Variants in BMP6 observed in about 807,000 individuals in gnomAD.
BMP6 encodes bone morphogenetic protein 6.
Under a neutral mutation model 54.1 loss-of-function variants are expected in BMP6, and 17 were observed. The ratio of observed to expected loss-of-function variants is 0.31; its 90% CI spans 0.22 to 0.47. The LOEUF (loss-of-function observed/expected upper bound fraction) is 0.47. Ranked by LOEUF, BMP6 falls within the 20% of genes least tolerant of loss-of-function variation. The pLI, the probability that BMP6 is intolerant of heterozygous loss-of-function variation, is 1.00. For synonymous variants in BMP6, 328 were observed against 291.2 expected (o/e 1.13, Z -1.28); for missense variants, 720 against 690.4 (o/e 1.04, Z -0.48).
chr6:7,845,086 G>T, intron 1 of BMP6, 54 bp from the exon 2 acceptor site: 1 of 1,500,660 alleles, frequency 6.7e-7, no homozygotes, highest in Non-Finnish European at 9.1e-7. Flanking sequence ...AGGTAAGCCC[G>T]TGGCACTTAG....
intron 4 of BMP6, among the ~76,000 whole-genome samples, chr6:7,876,553 ATATT>A (rs1350534169): frequency 6.6e-6 from 1 of 152,212 alleles, no homozygotes; most frequent in Non-Finnish European, 1.5e-5. Context: ...ATTCTGTGCT[ATATT>A]TGAAGAGATT....
chr6:7,744,884 C>A (rs1237088513), intron 1 of BMP6, among the ~76,000 whole-genome samples: 1 of 152,218 alleles, frequency 6.6e-6, no homozygotes, highest in African/African-American at 2.4e-5. Flanking sequence ...GCAGACCAGG[C>A]CCTCCCTTTA....
intron 4 of BMP6, among the ~76,000 whole-genome samples, chr6:7,873,852 G>A (rs1279892708): frequency 2.0e-5 from 3 of 152,032 alleles, no homozygotes; most frequent in Admixed American, 6.6e-5. Flanking sequence ...GTTGTTTGTA[G>A]AAATCTTTGC....
chr6:7,728,352 A>C (rs1372914127), intron 1 of BMP6, among the ~76,000 whole-genome samples: 1 of 152,224 alleles, frequency 6.6e-6, no homozygotes, highest in Non-Finnish European at 1.5e-5. Flanking sequence ...CCCAAGCTGC[A>C]CGGGCAGAGA....
At chr6:7,835,906 G>A (rs180858142) in intron 1 of BMP6, among the ~76,000 whole-genome samples, 13 of 151,704 alleles carry the variant, frequency 8.6e-5, no homozygotes, top group South Asian at 8.4e-4. Context: ...GCGTGATCTC[G>A]GCTCCCTGCA....
At chr6:7,837,066 G>A (rs1268019727) in intron 1 of BMP6, among the ~76,000 whole-genome samples, 1 of 152,224 alleles carries the variant, frequency 6.6e-6, no homozygotes, top group East Asian at 1.9e-4. Context: ...GGGAATTATT[G>A]TAATTGCCTT....
Position 7,861,084 on chromosome 6 carries a change from CAAA to C in BMP6, c.858-356_858-354del, listed in dbSNP as rs3837026. On this transcript the variant is annotated intron_variant, in intron 2 of 6. Coordinates refer to ENST00000283147, the MANE Select transcript of BMP6 (RefSeq NM_001718.6). ...TAGGTGACAGAGTGAGACCCAGTCT[CAAA>C]AAAAAAAAAATAAAAAAGTTTTTTA... Among the ~76,000 whole-genome samples the C allele has an allele frequency of 2.3e-5, 3 of 131,748 alleles. No homozygotes were observed. The South Asian group carries it at 7.1e-4, about 31-fold the overall frequency. The allele number at this position is 131,748 out of a possible 152,430, so 86.4% of individuals were successfully genotyped here.
intron 1 of BMP6, among the ~76,000 whole-genome samples, chr6:7,832,021 C>A (rs1758800697): frequency 6.6e-6 from 1 of 152,140 alleles, no homozygotes; most frequent in African/African-American, 2.4e-5. Context: ...GAGAGGCTTG[C>A]AGCCCAGCAG....
chr6:7,820,298 C>T (rs1026535238), intron 1 of BMP6, among the ~76,000 whole-genome samples: 5 of 152,156 alleles, frequency 3.3e-5, no homozygotes, highest in Non-Finnish European at 7.3e-5. Context: ...TGCAGCATTC[C>T]TAATACAGGA....
chr6:7,844,003 T>G (rs1307816788), intron 1 of BMP6, among the ~76,000 whole-genome samples: 1 of 152,262 alleles, frequency 6.6e-6, no homozygotes, highest in African/African-American at 2.4e-5. Context: ...AGCTAATTAA[T>G]GTGTTTATCA....
intron 1 of BMP6, among the ~76,000 whole-genome samples, chr6:7,777,817 G>A (rs1757884319): frequency 1.3e-5 from 2 of 152,006 alleles, no homozygotes; most frequent in African/African-American, 2.4e-5. Flanking sequence ...GACCTTTCTC[G>A]GAGGTTGCTG....
rs1561794539 is a variant in BMP6, at chr6:7,861,523, C to G, written c.930C>G (p.Ile310Met). 7 of 1,614,184 alleles carry G rather than the reference C, an allele frequency of 4.3e-6. No individual in the cohort carries two copies. Among genetic ancestry groups the G allele is most frequent in the Non-Finnish European group, 5.9e-6 (7 of 1,180,020 alleles). The change falls in exon 3 of 7, where the codon ATC becomes ATG. Residue 310 changes from isoleucine (I) to methionine (M), a missense_variant. Coordinates refer to ENST00000283147, the MANE Select transcript of BMP6 (RefSeq NM_001718.6). ...ASEEGWLEFD[I>M]TATSNLWVVT... Reference sequence around the variant, plus strand: ...AAGAAGGCTGGCTGGAATTTGACATCACGGCCACTAGCAATCTGTGGGTTG... The same window carrying G: ...AAGAAGGCTGGCTGGAATTTGACATGACGGCCACTAGCAATCTGTGGGTTG...
Position 7,727,319 on chromosome 6 carries a change from G to C in BMP6, c.364G>C (p.Gly122Arg). 1 of 1,609,066 alleles carries C rather than the reference G, an allele frequency of 6.2e-7. No homozygotes were observed. The highest frequency in any genetic ancestry group is 8.5e-7 in the Non-Finnish European group (1 of 1,178,512). Residue 122 changes from glycine (G) to arginine (R), a missense_variant, in exon 1 of 7, where the codon GGA becomes CGA. Gly to Arg is a moderately radical substitution (Grantham distance 125). This residue lies in a region of BMP6 where 650 missense variants were observed against 556.3 expected (regional missense o/e 1.17). Transcript: ENST00000283147. ...EQQQQQQLPR[G>R]EPPPGRLKSA... The stretch of plus-strand genomic sequence containing the variant: ...GCAGCAGCAGCAGCAGCTGCCTCGC[G>C]GAGAGCCCCCTCCCGGGCGACTGAA...
At chr6:7,877,418 T>C (rs1759638081) in intron 4 of BMP6, among the ~76,000 whole-genome samples, 1 of 152,000 alleles carries the variant, frequency 6.6e-6, no homozygotes, top group Non-Finnish European at 1.5e-5. Flanking sequence ...GGTCAGTAGT[T>C]CGAGACCAGC....
At chr6:7,759,642 A>G (rs1757577701) in intron 1 of BMP6, among the ~76,000 whole-genome samples, 3 of 151,940 alleles carry the variant, frequency 2.0e-5, no homozygotes, top group African/African-American at 7.3e-5. Context: ...CTTGAGTGAA[A>G]TAAAAGAATT....
chr6:7,728,497 A>G (rs1298292992), intron 1 of BMP6, among the ~76,000 whole-genome samples: 1 of 150,260 alleles, frequency 6.7e-6, no homozygotes, highest in Non-Finnish European at 1.5e-5. Context: ...ACCCAGTCAC[A>G]TCGCCCTTTC....
chr6:7,738,433 G>T lies in BMP6; in HGVS notation c.664+10814G>T, dbSNP rs960147294. On this transcript the variant is annotated intron_variant, in intron 1 of 6. Coordinates refer to ENST00000283147, the MANE Select transcript of BMP6 (RefSeq NM_001718.6). ...CCCATCTTATGCTAGGGACCCCTTG[G>T]CTCTCCTCCCTCCTTCATAAGAGGG... 8.5e-5 allele frequency among the ~76,000 whole-genome samples: 13 copies of T among 152,122 alleles called. No homozygotes were observed. In the East Asian group the frequency reaches 1.5e-3, roughly 18 times the overall value.
intron 4 of BMP6, among the ~76,000 whole-genome samples, chr6:7,867,123 C>T (rs754898970): frequency 6.6e-6 from 1 of 152,148 alleles, no homozygotes; most frequent in Non-Finnish European, 1.5e-5. Flanking sequence ...CCACTTGCCT[C>T]GGCCTCCCAA....
At chr6:7,767,903 C>T (rs1757716699) in intron 1 of BMP6, among the ~76,000 whole-genome samples, 1 of 151,996 alleles carries the variant, frequency 6.6e-6, no homozygotes, top group Admixed American at 6.6e-5. Context: ...GAGGGGAAGC[C>T]CTCTGTGGTC....
Sources: allele counts gnomAD v4.1 joint callset (sites outside exome capture counted in the v4.1 genomes callset), GRCh38; gene constraint gnomAD v4.1.1; regional missense constraint gnomAD v4.1.1; transcripts MANE v1.5; gene names NCBI Gene and HGNC (gene_info 2026-07-23, HGNC 2026-07-21).